Variants in GRXCR2 observed in about 807,000 individuals in gnomAD.
GRXCR2 encodes glutaredoxin and cysteine rich domain containing 2.
Under a neutral mutation model 24.8 loss-of-function variants are expected in GRXCR2, and 23 were observed. The ratio of observed to expected loss-of-function variants is 0.93; its 90% CI spans 0.67 to 1.32. The LOEUF is 1.32. Among genes scored for constraint, GRXCR2 ranks in the 40% most tolerant of loss-of-function variants. GRXCR2 has a pLI of 0.00. For missense variants in GRXCR2, 315 were observed against 303.4 expected (o/e 1.04, Z -0.28); for synonymous variants, 130 against 116.1 (o/e 1.12, Z -0.77).
intron 2 of GRXCR2, among the ~76,000 whole-genome samples, chr5:145,911,328 C>T (rs1204038626): frequency 6.6e-6 from 1 of 152,166 alleles, no homozygotes; most frequent in Non-Finnish European, 1.5e-5. Flanking sequence ...CACGGTCTGG[C>T]GTCCCCTGTG....
chr5:145,872,426 C>G (rs1435932592), intron 1 of GRXCR2, among the ~76,000 whole-genome samples: 1 of 152,174 alleles, frequency 6.6e-6, no homozygotes, highest in Non-Finnish European at 1.5e-5. Flanking sequence ...TATATATGCT[C>G]ATTGCACTTT....
chr5:145,880,371 C>A (rs912111264), intron 2 of GRXCR2, among the ~76,000 whole-genome samples: 1 of 152,142 alleles, frequency 6.6e-6, no homozygotes, highest in African/African-American at 2.4e-5. Context: ...GATGTCACCA[C>A]CAATCCCACA....
chr5:145,909,593 C>A (rs1231112489), intron 2 of GRXCR2, among the ~76,000 whole-genome samples: 1 of 152,126 alleles, frequency 6.6e-6, no homozygotes, highest in Non-Finnish European at 1.5e-5. Context: ...TATCCATTAG[C>A]TTGCTTGTTT....
At chr5:145,889,103 G>A (rs1300429563) in intron 2 of GRXCR2, among the ~76,000 whole-genome samples, 2 of 151,756 alleles carry the variant, frequency 1.3e-5, no homozygotes, top group Admixed American at 6.6e-5. Context: ...GGCAGAGGTT[G>A]CAGTGAGCCG....
chr5:145,866,198 C>T (rs925947846), intron 2 of GRXCR2, among the ~76,000 whole-genome samples: 6 of 151,026 alleles, frequency 4.0e-5, no homozygotes, highest in African/African-American at 1.2e-4. Flanking sequence ...TTTTCCACCT[C>T]TAGAACCAGC....
At chr5:145,860,803 T>C (rs758973652) in intron 2 of GRXCR2, among the ~76,000 whole-genome samples, 17 of 152,286 alleles carry the variant, frequency 1.1e-4, no homozygotes, top group South Asian at 8.3e-4. Flanking sequence ...TGAATAATAA[T>C]GCTTACCCTT....
chr5:145,911,312 A>G (rs1410738934), intron 2 of GRXCR2, among the ~76,000 whole-genome samples: 5 of 152,170 alleles, frequency 3.3e-5, no homozygotes, highest in Admixed American at 6.5e-5. Context: ...GAAAGAGGTC[A>G]GGTGTCACGG....
At chr5:145,915,469 C>T (rs1459261794) in intron 2 of GRXCR2, among the ~76,000 whole-genome samples, 1 of 152,084 alleles carries the variant, frequency 6.6e-6, no homozygotes, top group African/African-American at 2.4e-5. Flanking sequence ...CAACCTCAAG[C>T]CACTGAATCC....
intron 2 of GRXCR2, among the ~76,000 whole-genome samples, chr5:145,861,143 C>T (rs1026832332): frequency 6.6e-6 from 1 of 152,048 alleles, no homozygotes; most frequent in African/African-American, 2.4e-5. Flanking sequence ...CAACTACAAT[C>T]CCAGCCCAAT....
At chr5:145,870,198 A>G (rs1398177603) in intron 1 of GRXCR2, among the ~76,000 whole-genome samples, 2 of 152,106 alleles carry the variant, frequency 1.3e-5, no homozygotes, top group Non-Finnish European at 2.9e-5. Flanking sequence ...TCTTCTTCCC[A>G]AATTGAAACT....
At chr5:145,860,180 T>C (rs1435795037) in intron 2 of GRXCR2, among the ~76,000 whole-genome samples, 2 of 152,218 alleles carry the variant, frequency 1.3e-5, no homozygotes, top group East Asian at 3.9e-4. Context: ...ATTGCCCTTG[T>C]CACTATCTCT....
chr5:145,922,544 T>C (rs768389118), intron 2 of GRXCR2, among the ~76,000 whole-genome samples: 6 of 152,168 alleles, frequency 3.9e-5, no homozygotes, highest in Non-Finnish European at 8.8e-5. Context: ...GCCAGGCACA[T>C]AGTAAGAACT....
chr5:145,909,802 G>T (rs1164013640), intron 2 of GRXCR2, among the ~76,000 whole-genome samples: 1 of 152,074 alleles, frequency 6.6e-6, no homozygotes, highest in Non-Finnish European at 1.5e-5. Flanking sequence ...TAATCAATTA[G>T]TCTTTCTTCA....
rs749916197 is a variant in GRXCR2 at position 145,872,674 on chromosome 5, C to T, written c.295G>A (p.Gly99Ser). ...TTGTAATCGTTGAACCGAGGCTGGC[C>T]GCCTGCCAAGGTGTAGGCATTACCC... The part of the protein sequence containing the change: ...REGNAYTLAG[G>S]QPRFNDYKAN... Residue 99 changes from glycine to serine, a missense_variant, in exon 1 of 3, where the codon GGC becomes AGC. Gly to Ser is a moderately conservative substitution (Grantham distance 56, BLOSUM62 0). Coordinates refer to ENST00000377976, the MANE Select transcript of GRXCR2 (RefSeq NM_001080516.2). 2.1e-5 allele frequency: 34 copies of T among 1,607,912 alleles called. No individual in the cohort carries two copies. Among genetic ancestry groups the T allele is most frequent in the South Asian group, 6.6e-5 (6 of 90,812 alleles).
intron 2 of GRXCR2, among the ~76,000 whole-genome samples, chr5:145,888,015 G>A (rs1225000379): frequency 2.0e-5 from 3 of 152,242 alleles, no homozygotes; most frequent in South Asian, 4.1e-4. Context: ...GTTTTTTAAA[G>A]TTATATTTGC....
chr5:145,859,439 A>C lies in GRXCR2; in HGVS notation c.*294T>G, dbSNP rs426731. The C allele has an allele frequency of 2.4e-6, 1 of 413,584 alleles. No homozygotes were observed. The highest frequency in any genetic ancestry group is 4.1e-5 in the Admixed American group (1 of 24,510). The allele number at this position is 413,584 out of a possible 1,614,324, so 25.6% of individuals were successfully genotyped here. ...GTACATGTATTTGCTCACTGAAGCA[A>C]GAAGAAAACTGAGCTAAGTCAAGTG... On this transcript the variant is annotated 3_prime_UTR_variant, in exon 3 of 3. Coordinates refer to ENST00000377976, the MANE Select transcript of GRXCR2 (RefSeq NM_001080516.2).
Position 145,913,103 on chromosome 5 carries a change from C to A in GRXCR2, c.-70+22598G>T, listed in dbSNP as rs373207625. Among the ~76,000 whole-genome samples, 90 of 152,262 alleles carry A rather than the reference C, an allele frequency of 5.9e-4. 3 individuals are homozygous for A. In the South Asian group the frequency reaches 0.017, roughly 29 times the overall value. ...AGTAGTACAGTAGAGACTTCCCATG[C>A]CCCTCACCCAATTCCTGCCATCGTT... On this transcript the variant is annotated intron_variant, in intron 2 of 3. Coordinates refer to the GRXCR2 transcript ENST00000639411.
chr5:145,878,187 A>T (rs542273476), intron 2 of GRXCR2, among the ~76,000 whole-genome samples: 1 of 152,254 alleles, frequency 6.6e-6, no homozygotes, highest in South Asian at 2.1e-4. Context: ...AGCTGGATGG[A>T]GAATGACTTT....
At chr5:145,909,893 C>A (rs955069613) in intron 2 of GRXCR2, among the ~76,000 whole-genome samples, 1 of 152,134 alleles carries the variant, frequency 6.6e-6, no homozygotes, top group African/African-American at 2.4e-5. Context: ...CGCCCTCACC[C>A]CTCGCTTCCC....
Sources: gnomAD v4.1 joint callset for allele counts (sites outside exome capture counted in the v4.1 genomes callset) on GRCh38, gnomAD v4.1.1 for gene constraint, MANE v1.5 for transcripts, NCBI Gene and HGNC (gene_info 2026-07-23, HGNC 2026-07-21) for gene names.